BTN2A1: variants seen among roughly 807,000 people sequenced by gnomAD.
BTN2A1 encodes butyrophilin subfamily 2 member A1.
Under a neutral mutation model 34.5 loss-of-function variants are expected in BTN2A1, and 41 were observed. The observed-to-expected ratio is 1.19, with a 90% confidence interval of 0.93 to 1.54. The LOEUF (loss-of-function observed/expected upper bound fraction) is 1.54, where lower values mean the gene tolerates loss of function less well. BTN2A1 is among the 40% of genes most tolerant of loss of function. The probability of loss-of-function intolerance (pLI) is 0.00; values close to 1 mark genes in which losing one functional copy is unlikely to be tolerated. For synonymous variants in BTN2A1, 267 were observed against 258.6 expected, an observed-to-expected ratio of 1.03 and a Z score of -0.31; for missense variants, 642 against 662.0, an observed-to-expected ratio of 0.97 and a Z score of 0.33.
At chr6:26,467,747 C>G (rs774120258) in intron 7 of BTN2A1, 1 of 1,590,578 alleles carries the variant, frequency 6.3e-7, no homozygotes, top group East Asian at 2.2e-5. Context: ...ACTGAGAGAA[C>G]TGCTTCTGTC....
chr6:26,462,995 A>G (rs1763205291), intron 3 of BTN2A1: 1 of 1,032,768 alleles, frequency 9.7e-7, no homozygotes, highest in African/African-American at 1.6e-5. Flanking sequence ...GACCGCAAAG[A>G]AAAGGGTGCA....
intron 4 of BTN2A1, 119 bp downstream of exon 4, chr6:26,463,644 C>A: frequency 9.9e-6 from 12 of 1,214,226 alleles, no homozygotes; most frequent in Non-Finnish European, 1.4e-5. Flanking sequence ...CCCTAAGGAC[C>A]TGGAGGCTGC....
At position 26,468,275 on chromosome 6, in the gene BTN2A1, C is replaced by T. The variant is rs1763376460; in HGVS notation, c.1310C>T (p.Pro437Leu). 1.9e-6 allele frequency: 3 copies of T among 1,614,212 alleles called. No individual in the cohort carries two copies. The highest frequency in any genetic ancestry group is 2.5e-6 in the Non-Finnish European group (3 of 1,180,034). ...GGGCAATACCGGGCCGTGTCCTCCC[C>T]TGATAGGATTCTCCCTTTGAAGGAG... ...HKGQYRAVSS[P>L]DRILPLKESL... The change falls in exon 8 of 8, where the codon CCT (proline) becomes CTT (leucine). Residue 437 changes from proline to leucine, a missense_variant. Physicochemically the swap from Pro to Leu is moderately conservative, Grantham distance 98 (BLOSUM62 -3). Transcript: ENST00000312541.
rs541028968 is a variant in BTN2A1 at position 26,461,030 on chromosome 6, T to C, written c.430+1202T>C. The stretch of plus-strand genomic sequence containing the variant: ...GACAGAGGAGGTGAGGACTAGGGAA[T>C]TGGGTCTTTCCCTGGGGGCCTCAAA... On this transcript the variant is annotated intron_variant, in intron 3 of 7. Transcript: ENST00000312541. Among the ~76,000 whole-genome samples, 5 of 152,298 alleles carry C rather than the reference T, an allele frequency of 3.3e-5. No individual in the cohort carries two copies. In the East Asian group the frequency reaches 5.8e-4, roughly 18 times the overall value.
At position 26,465,380 on chromosome 6, in the gene BTN2A1, A is replaced by G. The variant is rs771016574; in HGVS notation, c.908A>G (p.Gln303Arg). The G allele has an allele frequency of 1.9e-6, 3 of 1,614,068 alleles. No individual in the cohort carries two copies. Among genetic ancestry groups the G allele is most frequent in the Non-Finnish European group, 2.5e-6 (3 of 1,180,008 alleles). Residue 303 changes from glutamine to arginine, a missense_variant, in exon 5 of 8, where the codon CAA (glutamine) becomes CGA (arginine). Physicochemically the swap from Gln to Arg is conservative, Grantham distance 43. Coordinates refer to ENST00000312541, the MANE Select transcript of BTN2A1 (RefSeq NM_007049.5). ...ALKELEKERV[Q>R]KEEELQVKEK... ...AAGGAACTGGAGAAAGAACGTGTGC[A>G]AAAAGAGGAAGAACTTCAAGTAAAA...
At chr6:26,475,546 A>G (rs1013564526) in intron 7 of BTN2A1, among the ~76,000 whole-genome samples, 2 of 152,160 alleles carry the variant, frequency 1.3e-5, no homozygotes, top group African/African-American at 4.8e-5. Context: ...ATTTGGGGGC[A>G]TTTTGTTTTG....
At chr6:26,475,217 G>A (rs145190584) in intron 7 of BTN2A1, among the ~76,000 whole-genome samples, 27 of 152,272 alleles carry the variant, frequency 1.8e-4, no homozygotes, top group African/African-American at 4.8e-4. Context: ...ACAACAGCCC[G>A]TCAACACCCT....
At chr6:26,462,453 A>C (rs1050816661) in intron 3 of BTN2A1, among the ~76,000 whole-genome samples, 2 of 152,224 alleles carry the variant, frequency 1.3e-5, no homozygotes, top group Non-Finnish European at 2.9e-5. Context: ...AGACTGAAGC[A>C]GGAGGATCTC....
In BTN2A1 at chr6:26,459,550, G is replaced by A. The variant is rs749174406; in HGVS notation, c.152G>A (p.Cys51Tyr). 4.3e-6 allele frequency: 7 copies of A among 1,614,048 alleles called. No individual in the cohort carries two copies. In the Admixed American group the frequency reaches 1.0e-4, roughly 23 times the overall value. The change falls in exon 3 of 8, where the codon TGC (cysteine) becomes TAC (tyrosine). Residue 51 changes from cysteine (C) to tyrosine (Y), a missense_variant. Transcript: ENST00000312541. The part of the protein sequence containing the change: ...ATVGENTTLR[C>Y]HLSPEKNAED... ...GTTGGAGAAAACACTACGTTACGCT[G>A]CCATCTGTCACCCGAGAAAAATGCT... is the stretch of plus-strand genomic sequence containing the variant.
downstream of BTN2A1, among the ~76,000 whole-genome samples, chr6:26,474,089 A>C (rs1041585783): frequency 1.6e-4 from 24 of 152,252 alleles, no homozygotes; most frequent in African/African-American, 5.8e-4. Context: ...TTGGTATGAG[A>C]TATGTATACA....
In BTN2A1 at chr6:26,468,039, A is replaced by G. The variant is rs754544783; in HGVS notation, c.1074A>G (p.Leu358=). ...RSVRRCPFRH[L]GESVPDNPER... ...TGAGAAGGTGCCCCTTCAGGCACCT[A>G]GGGGAGAGCGTGCCTGACAACCCAG... The change falls in exon 8 of 8, where the codon CTA becomes CTG. Residue 358 remains leucine, a synonymous_variant. Coordinates refer to ENST00000312541, the MANE Select transcript of BTN2A1 (RefSeq NM_007049.5). 6.2e-7 allele frequency: 1 copy of G among 1,614,168 alleles called. No homozygotes were observed. The highest frequency in any genetic ancestry group is 8.5e-7 in the Non-Finnish European group (1 of 1,180,010).
intron 1 of BTN2A1, among the ~76,000 whole-genome samples, 197 bp from the exon 2 acceptor site, chr6:26,458,410 C>A (rs903364192): frequency 1.3e-5 from 2 of 152,100 alleles, no homozygotes; most frequent in Non-Finnish European, 2.9e-5. Flanking sequence ...AAAAAGGCCC[C>A]CTTGATCTTG....
chr6:26,474,913 A>C (rs1185688462), intron 7 of BTN2A1, among the ~76,000 whole-genome samples: 42 of 151,998 alleles, frequency 2.8e-4, no homozygotes, highest in Non-Finnish European at 1.5e-4. Context: ...CACACCTGGC[A>C]AATTTTTTGT....
At chr6:26,466,164 G>A (rs1977200) in intron 7 of BTN2A1, 76 bp downstream of exon 7, 1,209,669 of 1,609,934 alleles carry the variant, frequency 0.75, 460,036 homozygotes, top group Admixed American at 0.82. Flanking sequence ...TAGAGGAGAT[G>A]AGCAAGGGGC....
At chr6:26,463,636 C>T in intron 4 of BTN2A1, 111 bp downstream of exon 4, 1 of 1,287,378 alleles carries the variant, frequency 7.8e-7, no homozygotes, top group South Asian at 1.4e-5. Flanking sequence ...GTCCTGGGCC[C>T]TAAGGACCTG....
Position 26,463,289 on chromosome 6 carries a change from G to T in BTN2A1, c.476G>T (p.Gly159Val). ...PLISMRGHEDGGIRLECISRG... is the reference protein window; with the variant it reads ...PLISMRGHEDVGIRLECISRG... Reference sequence around the variant, plus strand: ...ATTTCAATGAGGGGCCATGAAGACGGGGGCATCCGGCTGGAGTGCATATCT... The same window carrying T: ...ATTTCAATGAGGGGCCATGAAGACGTGGGCATCCGGCTGGAGTGCATATCT... The change falls in exon 4 of 8, where the codon GGG becomes GTG. Residue 159 changes from glycine to valine, a missense_variant. Transcript: ENST00000312541. 1 of 1,613,492 alleles carries T rather than the reference G, an allele frequency of 6.2e-7. No individual in the cohort carries two copies. Among genetic ancestry groups the T allele is most frequent in the Non-Finnish European group, 8.5e-7 (1 of 1,179,630 alleles).
downstream of BTN2A1, among the ~76,000 whole-genome samples, chr6:26,472,220 G>A (rs773274541): frequency 6.6e-6 from 1 of 152,144 alleles, no homozygotes; most frequent in Non-Finnish European, 1.5e-5. Flanking sequence ...AGAAAGTAAG[G>A]GGAGTGTAAG....
chr6:26,458,245 C>T (rs1763060194), intron 1 of BTN2A1, 103 bp downstream of exon 1: 2 of 219,126 alleles, frequency 9.1e-6, no homozygotes, highest in Non-Finnish European at 1.8e-5. Flanking sequence ...ACAGGGAAAG[C>T]CCACCGGTGG....
chr6:26,473,904 T>C (rs1763493488), downstream of BTN2A1, among the ~76,000 whole-genome samples: 1 of 152,246 alleles, frequency 6.6e-6, no homozygotes, highest in South Asian at 2.1e-4. Flanking sequence ...CAGTGGCTTC[T>C]GCCCAGCAAC....
Sources: gnomAD v4.1 joint callset for allele counts (sites outside exome capture counted in the v4.1 genomes callset) on GRCh38, gnomAD v4.1.1 for gene constraint, MANE v1.5 for transcripts, NCBI Gene and HGNC (gene_info 2026-07-23, HGNC 2026-07-21) for gene names.